Variants in ADRA1A observed in about 807,000 individuals in gnomAD.
ADRA1A encodes alpha-1A adrenergic receptor.
Under a neutral mutation model 29.6 loss-of-function variants are expected in ADRA1A, and 31 were observed. The observed-to-expected ratio is 1.05, with a 90% CI of 0.79 to 1.41. The LOEUF is 1.41. Among genes scored for constraint, ADRA1A ranks in the 40% most tolerant of loss-of-function variants. The pLI is 0.00. For missense variants in ADRA1A, 619 were observed against 601.1 expected (o/e 1.03, Z -0.31); for synonymous variants, 311 against 254.3 (o/e 1.22, Z -2.12).
At chr8:26,755,532 C>T (rs1406889745), downstream of ADRA1A, among the ~76,000 whole-genome samples, 7 of 152,210 alleles carry the variant, frequency 4.6e-5, no homozygotes, top group African/African-American at 1.2e-4. Context: ...CCCCAGCACA[C>T]GCCTGAGGTT....
chr8:26,834,705 T>C (rs543535594), intron 2 of ADRA1A, among the ~76,000 whole-genome samples: 1 of 152,318 alleles, frequency 6.6e-6, no homozygotes, highest in Admixed American at 6.5e-5. Context: ...CCTCTGACAA[T>C]ACTGAGTGCA....
chr8:26,789,251 C>A (rs959107335), intron 2 of ADRA1A, among the ~76,000 whole-genome samples: 2 of 152,116 alleles, frequency 1.3e-5, no homozygotes, highest in African/African-American at 4.8e-5. Flanking sequence ...CACTACATGC[C>A]TTCAAAATAT....
At chr8:26,766,090 A>G, downstream of ADRA1A, 2 of 1,613,890 alleles carry the variant, frequency 1.2e-6, no homozygotes, top group East Asian at 4.5e-5. Context: ...GCATCATAAA[A>G]TTCACATGCT....
At position 26,859,102 on chromosome 8, in the gene ADRA1A, C is replaced by T. The variant is rs768176180; in HGVS notation, c.883+4985G>A. The T allele has an allele frequency of 3.9e-6, 5 of 1,289,560 alleles. No individual in the cohort carries two copies. In the South Asian group the frequency reaches 4.9e-5, roughly 13 times the overall value. The allele number at this position is 1,289,560 out of a possible 1,614,324, so 79.9% of individuals were successfully genotyped here. On this transcript the variant is annotated intron_variant, in intron 2 of 2. Coordinates refer to ENST00000380573, the MANE Select transcript of ADRA1A (RefSeq NM_000680.4). Reference sequence around the variant, plus strand: ...CTCAGCTGTGGATAGCACACTCATCCCTGCCCTGGTTTCAGTTTTTAATCT... The same window carrying T: ...CTCAGCTGTGGATAGCACACTCATCTCTGCCCTGGTTTCAGTTTTTAATCT...
chr8:26,779,562 G>T (rs958208623), intron 2 of ADRA1A: 4 of 574,748 alleles, frequency 7.0e-6, no homozygotes, highest in Non-Finnish European at 1.2e-5. Flanking sequence ...GAAGGAACGT[G>T]GTGGAGAGAT....
chr8:26,782,488 A>G (rs1193671450), intron 2 of ADRA1A, among the ~76,000 whole-genome samples: 1 of 152,216 alleles, frequency 6.6e-6, no homozygotes, highest in South Asian at 2.1e-4. Context: ...TGTTTTGATT[A>G]TAGACATTTT....
At chr8:26,797,328 G>A (rs1370037856) in intron 2 of ADRA1A, among the ~76,000 whole-genome samples, 8 of 151,754 alleles carry the variant, frequency 5.3e-5, no homozygotes, top group South Asian at 2.1e-4. Context: ...ACAGCGTCTC[G>A]CTCTGTCGCC....
intron 2 of ADRA1A, among the ~76,000 whole-genome samples, chr8:26,827,656 A>G (rs1298474999): frequency 6.6e-6 from 1 of 151,262 alleles, no homozygotes; most frequent in Non-Finnish European, 1.5e-5. Context: ...AGAATGCTCA[A>G]TTTATTTATT....
At chr8:26,852,940 A>G (rs1468333038) in intron 2 of ADRA1A, among the ~76,000 whole-genome samples, 1 of 152,178 alleles carries the variant, frequency 6.6e-6, no homozygotes, top group Non-Finnish European at 1.5e-5. Flanking sequence ...ATACAGCAAC[A>G]TGAATAACGG....
chr8:26,817,562 T>C (rs958719251), intron 2 of ADRA1A, among the ~76,000 whole-genome samples: 3 of 152,202 alleles, frequency 2.0e-5, no homozygotes, highest in African/African-American at 4.8e-5. Context: ...GTGGATCCTT[T>C]GAGTTCAGGA....
In ADRA1A at chr8:26,769,404, G is replaced by T. The variant is rs1805974267; in HGVS notation, c.*745C>A. The T allele has an allele frequency of 3.0e-6, 3 of 985,214 alleles. No individual in the cohort carries two copies. In the South Asian group the frequency reaches 1.4e-4, roughly 46 times the overall value. The allele number at this position is 985,214 out of a possible 1,614,324, so 61.0% of individuals were successfully genotyped here. A position where few individuals can be genotyped will look rare whatever the true frequency, so the allele number is the denominator to read the frequency against. On this transcript the variant is annotated 3_prime_UTR_variant, in exon 3 of 3. Coordinates refer to ENST00000380573, the MANE Select transcript of ADRA1A (RefSeq NM_000680.4). ...GTTAAATTGAAAGAATGATGCTCAG[G>T]TCTATTGTTTTCTCTTGGGAAAAGC...
intron 2 of ADRA1A, among the ~76,000 whole-genome samples, chr8:26,822,061 A>G (rs4732902): frequency 0.21 from 32,072 of 152,086 alleles, 3,496 homozygotes; most frequent in Middle Eastern, 0.34. Context: ...CTCCTGTACA[A>G]GTTTTTTGTG....
chr8:26,765,712 T>C, downstream of ADRA1A: 1 of 882,230 alleles, frequency 1.1e-6, no homozygotes, highest in Non-Finnish European at 1.4e-6. Context: ...TGCCCTTTGC[T>C]AATGAGCAGA....
intron 2 of ADRA1A, among the ~76,000 whole-genome samples, chr8:26,807,335 GTGA>G (rs1809067092): frequency 6.6e-6 from 1 of 152,192 alleles, no homozygotes; most frequent in African/African-American, 2.4e-5. Flanking sequence ...ATCAAGAAGG[GTGA>G]CAAGCACATG....
intron 2 of ADRA1A, among the ~76,000 whole-genome samples, chr8:26,773,548 G>C (rs544004858): frequency 1.9e-4 from 29 of 152,224 alleles, no homozygotes; most frequent in African/African-American, 6.7e-4. Flanking sequence ...ACCTTGTCTG[G>C]GAATGTCACT....
chr8:26,802,149 A>G (rs946225518), intron 2 of ADRA1A, among the ~76,000 whole-genome samples: 9 of 152,176 alleles, frequency 5.9e-5, no homozygotes, highest in African/African-American at 2.2e-4. Context: ...GAAACTCTCC[A>G]GGACGTTGGG....
intron 2 of ADRA1A, chr8:26,772,040 C>A: frequency 6.3e-6 from 1 of 158,120 alleles, no homozygotes; most frequent in Admixed American, 6.1e-5. Flanking sequence ...TCCTGCCCTT[C>A]TGTCACTGTG....
chr8:26,857,636 G>T (rs1813147904), intron 2 of ADRA1A, among the ~76,000 whole-genome samples: 1 of 152,070 alleles, frequency 6.6e-6, no homozygotes, highest in South Asian at 2.1e-4. Flanking sequence ...ACTCCAGTCT[G>T]GGTGAAAGAA....
intron 2 of ADRA1A, among the ~76,000 whole-genome samples, chr8:26,824,925 C>T (rs1042049300): frequency 2.6e-5 from 4 of 152,146 alleles, no homozygotes; most frequent in African/African-American, 9.7e-5. Context: ...GTATGTCTGC[C>T]TCTTAATCAT....
Sources: gnomAD v4.1 joint callset for allele counts (sites outside exome capture counted in the v4.1 genomes callset) on GRCh38, gnomAD v4.1.1 for gene constraint, MANE v1.5 for transcripts, NCBI Gene and HGNC (gene_info 2026-07-23, HGNC 2026-07-21) for gene names.